The following CARD10 variants were observed in gnomAD, a reference collection of about 807,000 sequenced individuals.
The protein encoded by CARD10 is caspase recruitment domain-containing protein 10.
CARD10 carries 49 observed loss-of-function variants against 114.6 expected under a neutral mutation model. The observed-to-expected ratio is 0.43, with a 90% CI of 0.34 to 0.54. The LOEUF is 0.54. Ranked by LOEUF, CARD10 falls within the 20% of genes least tolerant of loss-of-function variation. The pLI is 0.03. For missense variants in CARD10, 1,206 were observed against 1,397.2 expected, an observed-to-expected ratio of 0.86 and a Z score of 2.18; for synonymous variants, 602 against 593.2, an observed-to-expected ratio of 1.01 and a Z score of -0.21.
Position 37,502,579 on chromosome 22 carries a change from C to T in CARD10, c.1787+23G>A, listed in dbSNP as rs752097319. ...CTCTCAAGCAATCACCCCAGCTCCA[C>T]CCACTGCAGGCAGCTACAGTACCTG... On this transcript the variant is annotated intron_variant, in intron 11 of 19. Coordinates refer to ENST00000251973, the MANE Select transcript of CARD10 (RefSeq NM_014550.4). The T allele has an allele frequency of 3.7e-6, 6 of 1,611,012 alleles. No homozygotes were observed. The South Asian group carries it at 6.6e-5, about 18-fold the overall frequency.
chr22:37,493,717 G>A (rs1228962729), intron 16 of CARD10, among the ~76,000 whole-genome samples: 1 of 152,016 alleles, frequency 6.6e-6, no homozygotes, highest in Non-Finnish European at 1.5e-5. Context: ...TACCTGTCTG[G>A]CCTAAGGCCT....
chr22:37,515,291 G>A (rs981607450), intron 3 of CARD10, among the ~76,000 whole-genome samples: 18 of 152,292 alleles, frequency 1.2e-4, no homozygotes, highest in South Asian at 6.2e-4. Context: ...GGCCAGGTAC[G>A]GTGGCTCACG....
At chr22:37,515,461 G>T (rs1923806671) in intron 3 of CARD10, among the ~76,000 whole-genome samples, 1 of 151,330 alleles carries the variant, frequency 6.6e-6, no homozygotes, top group Non-Finnish European at 1.5e-5. Context: ...TACCCGGGAA[G>T]CTGAGGCAGG....
chr22:37,505,595 G>C (rs939846487), intron 7 of CARD10, among the ~76,000 whole-genome samples: 1 of 149,830 alleles, frequency 6.7e-6, no homozygotes, highest in Non-Finnish European at 1.5e-5. Flanking sequence ...AGAATAACTT[G>C]AACCTGGGAT....
At position 37,491,101 on chromosome 22, in the gene CARD10, ACCATAGACACCAGGGTCCACG is replaced by A. The variant is rs1213897798; in HGVS notation, c.*37_*57del. The A allele has an allele frequency of 2.9e-6, 4 of 1,374,940 alleles. No homozygotes were observed. The African/African-American group carries it at 5.7e-5, about 20-fold the overall frequency. 85.2% of individuals were successfully genotyped at this position (1,374,940 alleles called of 1,614,324 possible). A position where few individuals can be genotyped will look rare whatever the true frequency, so the allele number is the denominator to read the frequency against. On this transcript the variant is annotated 3_prime_UTR_variant, in exon 20 of 20. Coordinates refer to ENST00000251973, the MANE Select transcript of CARD10 (RefSeq NM_014550.4). Reference sequence around the variant, plus strand: ...GCTCAGGGTGGGAGGGCCCAGCTTCACCATAGACACCAGGGTCCACGCTGGCTTGGGGAGAAGGTGCAGGTA... The same window carrying A: ...GCTCAGGGTGGGAGGGCCCAGCTTCACTGGCTTGGGGAGAAGGTGCAGGTA...
chr22:37,493,862 T>C (rs141059956), intron 16 of CARD10, among the ~76,000 whole-genome samples: 1 of 152,310 alleles, frequency 6.6e-6, no homozygotes, highest in African/African-American at 2.4e-5. Flanking sequence ...CACAGCCACG[T>C]CTGCATGCAC....
chr22:37,493,676 ACTC>A (rs576518493), intron 16 of CARD10, among the ~76,000 whole-genome samples: 38 of 151,010 alleles, frequency 2.5e-4, no homozygotes, highest in African/African-American at 8.8e-4. Context: ...CAGATTTGCT[ACTC>A]CCTCATCTGA....
chr22:37,501,885 G>A lies in CARD10; in HGVS notation c.1787+717C>T, dbSNP rs1207520295. Among the ~76,000 whole-genome samples, 3 of 152,142 alleles carry A rather than the reference G, an allele frequency of 2.0e-5. No individual in the cohort carries two copies. The highest frequency in any genetic ancestry group is 4.4e-5 in the Non-Finnish European group (3 of 68,022). On this transcript the variant is annotated intron_variant, in intron 11 of 19. Coordinates refer to ENST00000251973, the MANE Select transcript of CARD10 (RefSeq NM_014550.4). The surrounding 1 kb of genome is among the most constrained non-coding windows in gnomAD (Gnocchi z 5.4). ...TCCACACTTTCCCAGCCTGACTCAG[G>A]AAGCCTTGACTTTCGCCCTTCCCCC... is the stretch of plus-strand genomic sequence containing the variant.
At chr22:37,504,420 G>A in intron 8 of CARD10, 119 bp from the exon 9 acceptor site, 2 of 1,054,512 alleles carry the variant, frequency 1.9e-6, no homozygotes, top group Non-Finnish European at 2.7e-6. Flanking sequence ...AGAAGAGCGG[G>A]CTCTGCAAGA....
In CARD10 at chr22:37,518,055, G is replaced by A. The variant is rs1439263866; in HGVS notation, c.289C>T (p.Leu97=). 1 of 1,613,940 alleles carries A rather than the reference G, an allele frequency of 6.2e-7. No homozygotes were observed. The highest frequency in any genetic ancestry group is 1.3e-5 in the African/African-American group (1 of 74,894). ...GGGTAGTAGAACTCCAGGGCTTCCAGGAAGGCCTCATAGCCCCTCTTGCCA... is the reference window on the plus strand; with the variant it reads ...GGGTAGTAGAACTCCAGGGCTTCCAAGAAGGCCTCATAGCCCCTCTTGCCA... ...CRGKRGYEAF[L]EALEFYYPEH... is the part of the protein sequence containing the mutation. The change falls in exon 2 of 20, where the codon CTG becomes TTG. Residue 97 remains leucine (L), a synonymous_variant. Coordinates refer to ENST00000251973, the MANE Select transcript of CARD10 (RefSeq NM_014550.4).
chr22:37,491,932 C>T, intron 18 of CARD10, 65 bp from the exon 19 acceptor site: 2 of 1,108,942 alleles, frequency 1.8e-6, no homozygotes, highest in South Asian at 1.3e-5. Flanking sequence ...CATGCGCTGC[C>T]CCCAGACGGG....
intron 8 of CARD10, 30 bp downstream of exon 8, chr22:37,504,605 C>A: frequency 6.9e-7 from 1 of 1,450,544 alleles, no homozygotes; most frequent in South Asian, 1.6e-5. Flanking sequence ...GCAGTGTCCC[C>A]CCTTATTTGG....
intron 11 of CARD10, among the ~76,000 whole-genome samples, chr22:37,500,025 G>T (rs1361838641): frequency 6.6e-6 from 1 of 152,174 alleles, no homozygotes; most frequent in Non-Finnish European, 1.5e-5. Context: ...TCTGAGCAGT[G>T]ACAGGCCACA....
intron 2 of CARD10, 58 bp from the exon 3 acceptor site, chr22:37,516,356 T>C (rs998587282): frequency 2.4e-6 from 3 of 1,258,940 alleles, no homozygotes; most frequent in Non-Finnish European, 3.2e-6. Context: ...ATCCAGGAGA[T>C]AACATACTGT....
In CARD10 at chr22:37,498,087, A is replaced by G. The variant is rs1923073358; in HGVS notation, c.1788-909T>C. Reference sequence around the variant, plus strand: ...TCAGAGCAAAGGTGTGGAGGACAGAACACAGGATGCGTGGAAGAATTTAAT... The same window carrying G: ...TCAGAGCAAAGGTGTGGAGGACAGAGCACAGGATGCGTGGAAGAATTTAAT... On this transcript the variant is annotated intron_variant, in intron 11 of 19. Coordinates refer to ENST00000251973, the MANE Select transcript of CARD10 (RefSeq NM_014550.4). Among the ~76,000 whole-genome samples the G allele has an allele frequency of 1.3e-5, 2 of 152,194 alleles. 1 individual carries two copies. Among genetic ancestry groups the G allele is most frequent in the South Asian group, 4.1e-4 (2 of 4,832 alleles).
intron 3 of CARD10, among the ~76,000 whole-genome samples, chr22:37,513,964 C>T (rs532631885): frequency 5.7e-4 from 86 of 152,082 alleles, no homozygotes; most frequent in African/African-American, 2.0e-3. Context: ...ATTAGCCAGG[C>T]ATGGTGGCAC....
At chr22:37,507,047 G>C (rs1380358564) in intron 6 of CARD10, among the ~76,000 whole-genome samples, 1 of 152,240 alleles carries the variant, frequency 6.6e-6, no homozygotes, top group African/African-American at 2.4e-5. Flanking sequence ...GGGAGGCTGA[G>C]GCAGGTGGAT....
chr22:37,504,409 C>T, intron 8 of CARD10, 108 bp from the exon 9 acceptor site: 4 of 1,063,246 alleles, frequency 3.8e-6, no homozygotes, highest in Non-Finnish European at 5.3e-6. Context: ...GGGCCCAGAG[C>T]AGAAGAGCGG....
chr22:37,500,325 C>T (rs1212732908), intron 11 of CARD10, among the ~76,000 whole-genome samples: 1 of 152,170 alleles, frequency 6.6e-6, no homozygotes, highest in East Asian at 1.9e-4. Context: ...GCCACGTGAG[C>T]GAGCTGGGCA....
Sources: gnomAD v4.1 joint callset for allele counts (sites outside exome capture counted in the v4.1 genomes callset) on GRCh38, gnomAD v4.1.1 for gene constraint, Gnocchi (gnomAD v3.1) non-coding constraint, MANE v1.5 for transcripts, NCBI Gene and HGNC (gene_info 2026-07-23, HGNC 2026-07-21) for gene names.